The following FBRSL1 variants were observed in gnomAD, a reference collection of about 807,000 sequenced individuals.
The protein encoded by FBRSL1 is fibrosin-1-like protein.
Under a neutral mutation model 89.6 loss-of-function variants are expected in FBRSL1, and 51 were observed. That is an observed-to-expected ratio of 0.57 (90% CI 0.45 to 0.72). The LOEUF (loss-of-function observed/expected upper bound fraction) is 0.72. Ranked by LOEUF, FBRSL1 falls within the 30% of genes least tolerant of loss-of-function variation. The probability of loss-of-function intolerance (pLI) is 0.00; values close to 1 mark genes in which losing one functional copy is unlikely to be tolerated. For missense variants in FBRSL1, 1,618 were observed against 1,451.8 expected, an observed-to-expected ratio of 1.11 and a Z score of -1.86; for synonymous variants, 779 against 681.1, an observed-to-expected ratio of 1.14 and a Z score of -2.24.
At chr12:132,498,969 T>C (rs373501844) in intron 1 of FBRSL1, among the ~76,000 whole-genome samples, 1 of 152,200 alleles carries the variant, frequency 6.6e-6, no homozygotes, top group African/African-American at 2.4e-5. Flanking sequence ...CTCAGCGGGC[T>C]TCCTCTGCTC....
In FBRSL1 at chr12:132,525,724, T is replaced by C; in HGVS notation, c.490-10T>C. 1 of 1,544,092 alleles carries C rather than the reference T, an allele frequency of 6.5e-7. No homozygotes were observed. The highest frequency in any genetic ancestry group is 8.8e-7 in the Non-Finnish European group (1 of 1,141,172). ...GGGTTTGCCTGAGACAGTGTCTCTCTCTGTCCCAGATGAAGGTCACCGTGT... is the reference window on the plus strand; with the variant it reads ...GGGTTTGCCTGAGACAGTGTCTCTCCCTGTCCCAGATGAAGGTCACCGTGT... On this transcript the variant is annotated splice_polypyrimidine_tract_variant and intron_variant, in intron 2 of 18. Transcript: ENST00000680143.
intron 5 of FBRSL1, among the ~76,000 whole-genome samples, chr12:132,548,772 C>G (rs542223493): frequency 9.7e-4 from 147 of 152,290 alleles, no homozygotes; most frequent in African/African-American, 3.4e-3. Context: ...AAGGGCTACC[C>G]GGGGGCACCT....
At chr12:132,547,792 G>A (rs934775197) in intron 4 of FBRSL1, among the ~76,000 whole-genome samples, 9 of 152,204 alleles carry the variant, frequency 5.9e-5, no homozygotes, top group Admixed American at 5.9e-4. Flanking sequence ...CCACCCGGGG[G>A]GCTGTGATCC....
At chr12:132,545,327 GTC>G (rs979806852) in intron 4 of FBRSL1, among the ~76,000 whole-genome samples, 108 of 152,340 alleles carry the variant, frequency 7.1e-4, no homozygotes, top group African/African-American at 2.5e-3. Context: ...AGGTGGATGT[GTC>G]TCTCCTTTTC....
At chr12:132,512,524 C>T (rs2034457605) in intron 2 of FBRSL1, among the ~76,000 whole-genome samples, 1 of 152,240 alleles carries the variant, frequency 6.6e-6, no homozygotes, top group Non-Finnish European at 1.5e-5. Flanking sequence ...CATTGCCCCG[C>T]AGAGGGGCTG....
intron 3 of FBRSL1, among the ~76,000 whole-genome samples, chr12:132,526,063 G>C (rs1025038048): frequency 6.6e-6 from 1 of 152,270 alleles, no homozygotes; most frequent in African/African-American, 2.4e-5. Flanking sequence ...TTTTGCCTTC[G>C]TTAAAGCGTG....
chr12:132,515,638 G>A (rs776797003), intron 2 of FBRSL1, among the ~76,000 whole-genome samples: 27 of 152,064 alleles, frequency 1.8e-4, no homozygotes, highest in Admixed American at 4.6e-4. Flanking sequence ...GGTGGCTCAC[G>A]CCTGTAATCC....
At chr12:132,496,162 C>T (rs2031992299) in intron 1 of FBRSL1, among the ~76,000 whole-genome samples, 1 of 152,250 alleles carries the variant, frequency 6.6e-6, no homozygotes, top group Non-Finnish European at 1.5e-5. Flanking sequence ...AGGGGTCTCC[C>T]GGGGTCCCTG....
chr12:132,509,951 G>T (rs2034142291), intron 2 of FBRSL1: 9 of 1,231,188 alleles, frequency 7.3e-6, no homozygotes, highest in Non-Finnish European at 9.1e-6. Flanking sequence ...AGCCCCGAAG[G>T]TCCCTGCTGG....
At chr12:132,509,314 C>T in intron 2 of FBRSL1, 1 of 1,248,414 alleles carries the variant, frequency 8.0e-7, no homozygotes, top group Non-Finnish European at 1.0e-6. Flanking sequence ...CCTGGGCAGC[C>T]CTGCCAGCCC....
intron 2 of FBRSL1, among the ~76,000 whole-genome samples, chr12:132,522,987 A>G (rs538400303): frequency 6.8e-4 from 103 of 152,296 alleles, no homozygotes; most frequent in African/African-American, 2.4e-3. Context: ...CTGGCTCGTC[A>G]GGGCTCCATA....
intron 5 of FBRSL1, among the ~76,000 whole-genome samples, chr12:132,548,442 C>T (rs548505503): frequency 4.6e-5 from 7 of 152,302 alleles, no homozygotes; most frequent in African/African-American, 1.4e-4. Context: ...ACCCTAAACC[C>T]GGTGGACCCC....
chr12:132,536,794 AGT>A (rs1437620419), intron 4 of FBRSL1, among the ~76,000 whole-genome samples: 3 of 152,290 alleles, frequency 2.0e-5, no homozygotes, highest in East Asian at 1.9e-4. Context: ...TGTATGTGAA[AGT>A]GTATTGTTAT....
intron 6 of FBRSL1, among the ~76,000 whole-genome samples, chr12:132,568,326 C>T (rs963347594): frequency 1.3e-5 from 2 of 152,262 alleles, no homozygotes; most frequent in Admixed American, 6.5e-5. Context: ...CTGCCAATGC[C>T]GGCAAGGATG....
At position 132,574,479 on chromosome 12, in the gene FBRSL1, C is replaced by T; in HGVS notation, c.1630-14C>T. 1 of 1,549,940 alleles carries T rather than the reference C, an allele frequency of 6.5e-7. No individual in the cohort carries two copies. The highest frequency in any genetic ancestry group is 8.7e-7 in the Non-Finnish European group (1 of 1,146,686). ...GTGGCACCAGCCCCACTGAGCGCTT[C>T]CATCCTGTCGCAGAAGCCGGGGAGG... On this transcript the variant is annotated splice_polypyrimidine_tract_variant and intron_variant, in intron 13 of 18. Coordinates refer to ENST00000680143, the MANE Select transcript of FBRSL1 (RefSeq NM_001367871.1).
At chr12:132,509,583 C>T (rs945846289) in intron 2 of FBRSL1, 8 of 1,232,166 alleles carry the variant, frequency 6.5e-6, no homozygotes, top group Middle Eastern at 3.1e-4. Flanking sequence ...TCACCACTGC[C>T]GGCGCCTGCG....
intron 1 of FBRSL1, among the ~76,000 whole-genome samples, chr12:132,495,913 C>T (rs2031942813): frequency 6.6e-6 from 1 of 152,246 alleles, no homozygotes; most frequent in Non-Finnish European, 1.5e-5. Context: ...TCTGCCTGTG[C>T]TTCTGCCCCT....
intron 4 of FBRSL1, among the ~76,000 whole-genome samples, chr12:132,536,935 A>T (rs1208254422): frequency 1.3e-5 from 2 of 152,192 alleles, no homozygotes; most frequent in Non-Finnish European, 2.9e-5. Context: ...ATATGTGATC[A>T]TGTTGTGCCA....
intron 3 of FBRSL1, 107 bp from the exon 4 acceptor site, chr12:132,527,846 G>A: frequency 9.4e-7 from 1 of 1,062,146 alleles, no homozygotes; most frequent in Non-Finnish European, 1.4e-6. Context: ...CTGCAGGGCT[G>A]CGGGGCAGGG....
Sources: allele counts gnomAD v4.1 joint callset (sites outside exome capture counted in the v4.1 genomes callset), GRCh38; gene constraint gnomAD v4.1.1; transcripts MANE v1.5; gene names NCBI Gene and HGNC (gene_info 2026-07-23, HGNC 2026-07-21).